RAD51: variants seen among roughly 807,000 people sequenced by gnomAD.
RAD51 encodes the protein RAD51 recombinase, also known as DNA repair protein RAD51 homolog 1.
Under a neutral mutation model 41.5 loss-of-function variants are expected in RAD51, and 14 were observed. The observed-to-expected ratio is 0.34, with a 90% CI of 0.22 to 0.53. The LOEUF is 0.53. RAD51 is among the 20% of genes least tolerant of loss of function. The probability of loss-of-function intolerance (pLI) is 0.95; values close to 1 mark genes in which losing one functional copy is unlikely to be tolerated. For missense variants in RAD51, 234 were observed against 422.0 expected (o/e 0.55, Z 3.90); for synonymous variants, 136 against 148.6 (o/e 0.92, Z 0.62).
At chr15:40,700,922 T>TA in intron 2 of RAD51, 142 bp from the exon 3 acceptor site, 1 of 754,242 alleles carries the variant, frequency 1.3e-6, no homozygotes, top group Non-Finnish European at 2.0e-6. Flanking sequence ...ACTTCCCATC[T>TA]CCCCCCGCCC....
Position 40,731,132 on chromosome 15 carries a change from C to T in RAD51, c.974C>T (p.Ala325Val). The change falls in exon 10 of 10, where the codon GCT (alanine) becomes GTT (valine). Residue 325 changes from alanine to valine, a missense_variant. Physicochemically the swap from Ala to Val is moderately conservative, Grantham distance 64. Around this residue, in one of 2 missense-constraint regions of RAD51, gnomAD observed 134 missense variants for 286.5 expected, o/e 0.47. Coordinates refer to ENST00000267868, the MANE Select transcript of RAD51 (RefSeq NM_002875.5). ...YDSPCLPEAE[A>V]MFAINADGVG... ...TCTCCCTGTCTTCCTGAAGCTGAAGCTATGTTCGCCATTAATGCAGATGGA... is the reference window on the plus strand; with the variant it reads ...TCTCCCTGTCTTCCTGAAGCTGAAGTTATGTTCGCCATTAATGCAGATGGA... 1 of 1,614,106 alleles carries T rather than the reference C, an allele frequency of 6.2e-7. No homozygotes were observed. Among genetic ancestry groups the T allele is most frequent in the Non-Finnish European group, 8.5e-7 (1 of 1,179,992 alleles).
chr15:40,722,051 A>T (rs898956821), intron 6 of RAD51, among the ~76,000 whole-genome samples: 3 of 152,234 alleles, frequency 2.0e-5, no homozygotes, highest in African/African-American at 7.2e-5. Flanking sequence ...GGAAATTCTG[A>T]CACATGCTAT....
At chr15:40,711,574 T>C (rs1047338356) in intron 5 of RAD51, among the ~76,000 whole-genome samples, 1 of 152,198 alleles carries the variant, frequency 6.6e-6, no homozygotes, top group African/African-American at 2.4e-5. Flanking sequence ...AGAGTGATCA[T>C]GGAATACTTT....
In RAD51 at chr15:40,731,949, TA is replaced by T. The variant is rs1461399325; in HGVS notation, c.*772del. 1 of 208,032 alleles carries T rather than the reference TA, an allele frequency of 4.8e-6. No individual in the cohort carries two copies. Among genetic ancestry groups the T allele is most frequent in the Non-Finnish European group, 9.8e-6 (1 of 102,250 alleles). 12.9% of individuals were successfully genotyped at this position (208,032 alleles called of 1,614,324 possible). A position where few individuals can be genotyped will look rare whatever the true frequency, so the allele number is the denominator to read the frequency against. On this transcript the variant is annotated 3_prime_UTR_variant, in exon 10 of 10. Coordinates refer to ENST00000267868, the MANE Select transcript of RAD51 (RefSeq NM_002875.5). ...GCAGAACTTAATCTGGACACACTGT[TA>T]CACGTGCCTGTAGTCCCAGCTACTC...
chr15:40,730,959 A>C (rs1896849489), intron 9 of RAD51, 96 bp from the exon 10 acceptor site: 2 of 1,504,910 alleles, frequency 1.3e-6, no homozygotes, highest in Admixed American at 3.4e-5. Context: ...TCTAGGAAGA[A>C]TATATGTCTA....
intron 9 of RAD51, among the ~76,000 whole-genome samples, 195 bp downstream of exon 9, chr15:40,730,169 G>C (rs1057381271): frequency 6.6e-6 from 1 of 152,166 alleles, no homozygotes; most frequent in Non-Finnish European, 1.5e-5. Context: ...ACCCACAAGT[G>C]TGGAAGAATG....
At chr15:40,724,932 G>T (rs1279963283) in intron 6 of RAD51, among the ~76,000 whole-genome samples, 1 of 115,518 alleles carries the variant, frequency 8.7e-6, no homozygotes, top group Non-Finnish European at 1.6e-5. Flanking sequence ...TCGCTCTGTC[G>T]CCCAGGCCGG....
intron 1 of RAD51, among the ~76,000 whole-genome samples, chr15:40,698,113 C>T (rs963749420): frequency 2.6e-5 from 4 of 152,100 alleles, no homozygotes; most frequent in Non-Finnish European, 4.4e-5. Context: ...TTCCTGCCGC[C>T]CCCTGCAACA....
At chr15:40,703,408 T>C (rs1381073950) in intron 3 of RAD51, among the ~76,000 whole-genome samples, 1 of 152,238 alleles carries the variant, frequency 6.6e-6, no homozygotes, top group East Asian at 1.9e-4. Flanking sequence ...ATATTAAGTA[T>C]ATAGAAAAGT....
chr15:40,732,296 G>A lies in RAD51; in HGVS notation c.*1118G>A, dbSNP rs943156782. 1.2e-5 allele frequency: 2 copies of A among 173,246 alleles called. No homozygotes were observed. Among genetic ancestry groups the A allele is most frequent in the East Asian group, 2.1e-4 (2 of 9,428 alleles). The allele number at this position is 173,246 out of a possible 1,614,324, so 10.7% of individuals were successfully genotyped here. A position where few individuals can be genotyped will look rare whatever the true frequency, so the allele number is the denominator to read the frequency against. ...AGAAAGGAAAGTCCCACTTGCAGATGATTGTGCTTAAAAGCTAATGGAAAA... is the reference window on the plus strand; with the variant it reads ...AGAAAGGAAAGTCCCACTTGCAGATAATTGTGCTTAAAAGCTAATGGAAAA... On this transcript the variant is annotated 3_prime_UTR_variant, in exon 10 of 10. Transcript: ENST00000267868.
chr15:40,727,858 CTCT>C (rs1172089781), intron 6 of RAD51, among the ~76,000 whole-genome samples: 9 of 135,794 alleles, frequency 6.6e-5, no homozygotes, highest in African/African-American at 2.3e-4. Flanking sequence ...TGTAAACATT[CTCT>C]TTTTTTTTTT....
intron 1 of RAD51, among the ~76,000 whole-genome samples, chr15:40,697,459 C>T (rs988912164): frequency 1.3e-5 from 2 of 151,632 alleles, no homozygotes; most frequent in Non-Finnish European, 2.9e-5. Context: ...TTGGCTAGTG[C>T]GTTATGCATC....
intron 2 of RAD51, among the ~76,000 whole-genome samples, chr15:40,700,616 T>A (rs571948046): frequency 1.3e-3 from 196 of 152,292 alleles, no homozygotes; most frequent in African/African-American, 4.6e-3. Flanking sequence ...TGTACATGGC[T>A]TAGTGCTAGT....
chr15:40,728,699 CCTCT>C lies in RAD51; in HGVS notation c.531-8_531-5del. ...TGTGTGCAGCCTAAAAATGTTCTCT[CCTCT>C]CTCATAGGTATGGTCTCTCTGGCAG... On this transcript the variant is annotated splice_region_variant and splice_polypyrimidine_tract_variant and intron_variant, in intron 6 of 9. Transcript: ENST00000267868. 6.2e-7 allele frequency: 1 copy of C among 1,609,394 alleles called. No homozygotes were observed. Among genetic ancestry groups the C allele is most frequent in the Non-Finnish European group, 8.5e-7 (1 of 1,175,896 alleles).
At chr15:40,698,381 G>A (rs774923480) in intron 1 of RAD51, among the ~76,000 whole-genome samples, 40 of 151,768 alleles carry the variant, frequency 2.6e-4, no homozygotes, top group Non-Finnish European at 1.0e-4. Context: ...TAGGGACGGG[G>A]TTTCGCATGT....
At chr15:40,728,201 C>T (rs1444750503) in intron 6 of RAD51, among the ~76,000 whole-genome samples, 1 of 152,236 alleles carries the variant, frequency 6.6e-6, no homozygotes, top group Non-Finnish European at 1.5e-5. Flanking sequence ...TGGTGGCTCA[C>T]GCCTGTAGTC....
At chr15:40,722,684 C>T (rs1044484199) in intron 6 of RAD51, among the ~76,000 whole-genome samples, 3 of 152,066 alleles carry the variant, frequency 2.0e-5, no homozygotes, top group Admixed American at 6.6e-5. Flanking sequence ...TATATGTGTA[C>T]GTTTTACTAT....
intron 4 of RAD51, among the ~76,000 whole-genome samples, chr15:40,707,976 A>G (rs1312649486): frequency 6.7e-6 from 1 of 150,354 alleles, no homozygotes; most frequent in Non-Finnish European, 1.5e-5. Context: ...TCGGCCTCCC[A>G]AAGTGCTGGG....
At chr15:40,728,207 T>C (rs1048912209) in intron 6 of RAD51, among the ~76,000 whole-genome samples, 1 of 152,160 alleles carries the variant, frequency 6.6e-6, no homozygotes, top group Non-Finnish European at 1.5e-5. Flanking sequence ...CTCACGCCTG[T>C]AGTCCCAGTA....
Sources: allele counts gnomAD v4.1 joint callset (sites outside exome capture counted in the v4.1 genomes callset), GRCh38; gene constraint gnomAD v4.1.1; regional missense constraint gnomAD v4.1.1; transcripts MANE v1.5; gene names NCBI Gene and HGNC (gene_info 2026-07-23, HGNC 2026-07-21).